The following PAN3 variants were observed in gnomAD, a reference collection of about 807,000 sequenced individuals.
PAN3 encodes poly(A) specific ribonuclease subunit PAN3.
In PAN3, 19 loss-of-function variants were observed where a neutral mutation model predicts 96.2. That is an observed-to-expected ratio of 0.20 (90% CI 0.14 to 0.29). The LOEUF is 0.29. Ranked by LOEUF, PAN3 falls within the 10% of genes least tolerant of loss-of-function variation. PAN3 has a pLI of 1.00. For missense variants in PAN3, 882 were observed against 1,108.1 expected (o/e 0.80, Z 2.90); for synonymous variants, 433 against 406.6 (o/e 1.06, Z -0.78).
intron 1 of PAN3, among the ~76,000 whole-genome samples, chr13:28,151,253 T>A (rs963044197): frequency 1.4e-4 from 22 of 152,148 alleles, no homozygotes; most frequent in African/African-American, 5.1e-4. Context: ...TTGTGGCTCA[T>A]GCCTGTAATC....
chr13:28,145,253 G>A (rs766497322), intron 1 of PAN3, among the ~76,000 whole-genome samples: 2 of 119,688 alleles, frequency 1.7e-5, no homozygotes, highest in African/African-American at 4.2e-5. Context: ...TTGCACTTGC[G>A]TGTGTGTGTG....
chr13:28,164,043 A>C (rs948782463), intron 1 of PAN3, among the ~76,000 whole-genome samples: 2 of 152,136 alleles, frequency 1.3e-5, no homozygotes, highest in African/African-American at 4.8e-5. Flanking sequence ...CAGTGAGTTG[A>C]GATTGTGGCA....
intron 6 of PAN3, among the ~76,000 whole-genome samples, chr13:28,227,398 C>T (rs1882114114): frequency 6.6e-6 from 1 of 152,062 alleles, no homozygotes; most frequent in Non-Finnish European, 1.5e-5. Flanking sequence ...GGGGTAGGGG[C>T]TGGATGGGAG....
chr13:28,252,702 T>A (rs1884833510), intron 6 of PAN3, among the ~76,000 whole-genome samples: 1 of 152,182 alleles, frequency 6.6e-6, no homozygotes, highest in Non-Finnish European at 1.5e-5. Context: ...ATGTTCACTT[T>A]AGAAGTTACA....
chr13:28,181,408 G>T (rs1297975815), intron 4 of PAN3, among the ~76,000 whole-genome samples: 1 of 149,814 alleles, frequency 6.7e-6, no homozygotes, highest in East Asian at 2.0e-4. Context: ...TACTCGGGAG[G>T]ATGAGAGGTG....
chr13:28,194,981 T>C (rs1443902508), intron 4 of PAN3, among the ~76,000 whole-genome samples: 1 of 151,550 alleles, frequency 6.6e-6, no homozygotes, highest in Non-Finnish European at 1.5e-5. Context: ...CTTATTCTTA[T>C]TCACAAAATT....
chr13:28,141,384 A>G (rs947384839), intron 1 of PAN3, among the ~76,000 whole-genome samples: 3 of 151,868 alleles, frequency 2.0e-5, no homozygotes, highest in East Asian at 1.9e-4. Context: ...AAAAACTTTT[A>G]AAGTTTTATT....
intron 4 of PAN3, among the ~76,000 whole-genome samples, chr13:28,196,796 C>G (rs1218247486): frequency 1.3e-5 from 2 of 152,150 alleles, no homozygotes; most frequent in Non-Finnish European, 2.9e-5. Context: ...AATCTGTATT[C>G]TGTGTCCTTG....
intron 14 of PAN3, among the ~76,000 whole-genome samples, chr13:28,274,706 A>C (rs1886919875): frequency 6.6e-6 from 1 of 152,180 alleles, no homozygotes; most frequent in Non-Finnish European, 1.5e-5. Flanking sequence ...GGCAACCTTC[A>C]ATTAATTATC....
intron 1 of PAN3, among the ~76,000 whole-genome samples, chr13:28,151,532 GT>G (rs1337907171): frequency 1.3e-5 from 2 of 151,852 alleles, no homozygotes; most frequent in African/African-American, 2.4e-5. Context: ...AAAAAGTTCT[GT>G]GGCAAGAGGG....
chr13:28,147,218 G>A (rs1318684416), intron 1 of PAN3, among the ~76,000 whole-genome samples: 1 of 152,134 alleles, frequency 6.6e-6, no homozygotes, highest in East Asian at 1.9e-4. Flanking sequence ...CGGTCTGTGT[G>A]AAAATACATT....
intron 14 of PAN3, among the ~76,000 whole-genome samples, chr13:28,275,200 AAAC>A (rs1485256621): frequency 6.6e-6 from 1 of 152,144 alleles, no homozygotes; most frequent in Non-Finnish European, 1.5e-5. Context: ...TTGTTTAAAA[AAAC>A]AACTCTAATT....
intron 1 of PAN3, among the ~76,000 whole-genome samples, chr13:28,159,479 C>T (rs1593380605): frequency 6.6e-6 from 1 of 152,178 alleles, no homozygotes; most frequent in Non-Finnish European, 1.5e-5. Context: ...TGGAGTTTCG[C>T]TCTTGTTTCC....
At chr13:28,184,850 G>A (rs1876259226) in intron 4 of PAN3, among the ~76,000 whole-genome samples, 1 of 151,890 alleles carries the variant, frequency 6.6e-6, no homozygotes. Context: ...CATTGTAAGA[G>A]GTCTTTGTAC....
chr13:28,153,367 C>T (rs930811988), intron 1 of PAN3, among the ~76,000 whole-genome samples: 1 of 151,278 alleles, frequency 6.6e-6, no homozygotes, highest in South Asian at 2.1e-4. Context: ...TCCCGAGTAG[C>T]TGGGATTATA....
chr13:28,163,112 C>T (rs1410943689), intron 1 of PAN3, among the ~76,000 whole-genome samples: 1 of 151,648 alleles, frequency 6.6e-6, no homozygotes, highest in South Asian at 2.1e-4. Flanking sequence ...GGTATGATGA[C>T]AGCTCACTGC....
intron 4 of PAN3, among the ~76,000 whole-genome samples, chr13:28,184,568 G>A (rs1230017592): frequency 6.6e-6 from 1 of 152,008 alleles, no homozygotes; most frequent in African/African-American, 2.4e-5. Context: ...CTGTCAAAAT[G>A]GTTTCTGGGG....
At chr13:28,275,203 C>A (rs1307010990) in intron 14 of PAN3, among the ~76,000 whole-genome samples, 1 of 152,016 alleles carries the variant, frequency 6.6e-6, no homozygotes, top group Admixed American at 6.6e-5. Flanking sequence ...TTTAAAAAAA[C>A]AACTCTAATT....
chr13:28,262,934 T>C (rs1418946180), intron 9 of PAN3, among the ~76,000 whole-genome samples: 2 of 152,188 alleles, frequency 1.3e-5, no homozygotes, highest in Non-Finnish European at 2.9e-5. Flanking sequence ...ATACTGTAGA[T>C]TAGTAGAGGT....
Sources: allele counts gnomAD v4.1 joint callset (sites outside exome capture counted in the v4.1 genomes callset), GRCh38; gene constraint gnomAD v4.1.1; transcripts MANE v1.5; gene names NCBI Gene and HGNC (gene_info 2026-07-23, HGNC 2026-07-21).